The following FRA10AC1 variants were observed in gnomAD, a reference collection of about 807,000 sequenced individuals.
FRA10AC1 encodes FRA10A associated CGG repeat 1.
In FRA10AC1, 43 loss-of-function variants were observed where a neutral mutation model predicts 56.5. The observed-to-expected ratio is 0.76, with a 90% CI of 0.60 to 0.98. FRA10AC1 has a LOEUF of 0.98. Ranked by LOEUF, FRA10AC1 falls within the 50% of genes least tolerant of loss-of-function variation. FRA10AC1 has a pLI of 0.00. For synonymous variants in FRA10AC1, 112 were observed against 110.5 expected (o/e 1.01, Z -0.09); for missense variants, 346 against 351.8 (o/e 0.98, Z 0.13).
At chr10:93,674,916 T>C (rs1168644639) in intron 12 of FRA10AC1, 4 of 152,222 alleles carry the variant, frequency 2.6e-5, no homozygotes, top group Admixed American at 2.6e-4. Context: ...TTAGCCTGTG[T>C]ACACCTTTGT....
chr10:93,685,380 T>C (rs777565626), intron 8 of FRA10AC1, 21 bp from the exon 9 acceptor site: 1 of 1,040,370 alleles, frequency 9.6e-7, no homozygotes, highest in African/African-American at 1.6e-5. Context: ...GAAAGGAATA[T>C]TAGCTATGGT....
At chr10:93,688,828 T>C (rs1244803628) in intron 7 of FRA10AC1, among the ~76,000 whole-genome samples, 1 of 151,528 alleles carries the variant, frequency 6.6e-6, no homozygotes. Context: ...CAACAAAAAA[T>C]AACAACAAAT....
At chr10:93,701,816 T>C (rs993816390) in intron 1 of FRA10AC1, among the ~76,000 whole-genome samples, 32 of 152,182 alleles carry the variant, frequency 2.1e-4, no homozygotes, top group African/African-American at 6.7e-4. Context: ...TTTAGAGATA[T>C]ATTCTAGGAT....
intron 7 of FRA10AC1, among the ~76,000 whole-genome samples, chr10:93,690,690 T>A (rs144404523): frequency 6.6e-6 from 1 of 152,312 alleles, no homozygotes; most frequent in African/African-American, 2.4e-5. Context: ...CTTTGTTACA[T>A]GCTCCTAGAA....
intron 12 of FRA10AC1, chr10:93,675,730 G>T: frequency 3.3e-6 from 1 of 301,638 alleles, no homozygotes. Context: ...AAATAACTAA[G>T]TAAGCCTAGA....
chr10:93,672,941 A>C (rs2058787481), intron 12 of FRA10AC1: 1 of 164,368 alleles, frequency 6.1e-6, no homozygotes, highest in Non-Finnish European at 1.3e-5. Flanking sequence ...GGCAACACAA[A>C]AGAATGCATC....
rs371193065 is a variant in FRA10AC1, at chr10:93,698,191, C to G, written c.174-10G>C. ...ATTTCTTGCTTCTTCCCTGTTAAAA[C>G]AAATTTTTTTAAGAAAATTCAAAAT... On this transcript the variant is annotated splice_polypyrimidine_tract_variant and intron_variant, in intron 3 of 13. Coordinates refer to ENST00000359204, the MANE Select transcript of FRA10AC1 (RefSeq NM_145246.5). The G allele has an allele frequency of 8.9e-6, 14 of 1,571,634 alleles. No homozygotes were observed. In the African/African-American group the frequency reaches 1.9e-4, roughly 21 times the overall value.
Position 93,700,029 on chromosome 10 carries a change from C to A in FRA10AC1, c.77+1G>T. 6.6e-7 allele frequency: 1 copy of A among 1,525,318 alleles called. No homozygotes were observed. Among genetic ancestry groups the A allele is most frequent in the Non-Finnish European group, 9.0e-7 (1 of 1,106,342 alleles). The allele number at this position is 1,525,318 out of a possible 1,614,324, so 94.5% of individuals were successfully genotyped here. The stretch of plus-strand genomic sequence containing the variant: ...TAGATCAATAAAAAAAAATTACTTA[C>A]CTTTTTTTCCTTTTGCTGGATTCTC... On this transcript the variant is annotated splice_donor_variant, in intron 2 of 13. Coordinates refer to ENST00000359204, the MANE Select transcript of FRA10AC1 (RefSeq NM_145246.5). LOFTEE classifies it high-confidence loss of function.
chr10:93,672,972 AT>A (rs1159682148), intron 12 of FRA10AC1: 2 of 171,604 alleles, frequency 1.2e-5, no homozygotes, highest in African/African-American at 4.8e-5. Flanking sequence ...CTATTCAGTG[AT>A]TATTGGTAAG....
chr10:93,673,402 C>T (rs1447862055), intron 12 of FRA10AC1: 1 of 455,672 alleles, frequency 2.2e-6, no homozygotes, highest in African/African-American at 2.0e-5. Context: ...AAGTTTTCTC[C>T]ATACCTCAGT....
chr10:93,697,374 T>G (rs1451465185), intron 4 of FRA10AC1, among the ~76,000 whole-genome samples: 1 of 152,100 alleles, frequency 6.6e-6, no homozygotes, highest in African/African-American at 2.4e-5. Flanking sequence ...AAAAGAAAAA[T>G]ATTGGAATAG....
At chr10:93,686,192 T>G (rs2059024564) in intron 8 of FRA10AC1, among the ~76,000 whole-genome samples, 1 of 151,926 alleles carries the variant, frequency 6.6e-6, no homozygotes, top group Non-Finnish European at 1.5e-5. Context: ...AAAATGAATT[T>G]AGAAAATTAT....
At chr10:93,673,153 C>G (rs1589713147) in intron 12 of FRA10AC1, 5 of 329,092 alleles carry the variant, frequency 1.5e-5, no homozygotes, top group South Asian at 1.2e-4. Context: ...TTTCTCCATT[C>G]CTTTTGTCAG....
rs371405598 is a variant in FRA10AC1, at chr10:93,669,788, A to T, written c.*38T>A. Reference sequence around the variant, plus strand: ...TTGCATGAAGTTTAAAACTTCATGAAGTTTCACATTAAGGAGCGGAGGCTT... The same window carrying T: ...TTGCATGAAGTTTAAAACTTCATGATGTTTCACATTAAGGAGCGGAGGCTT... On this transcript the variant is annotated 3_prime_UTR_variant, in exon 14 of 14. Transcript: ENST00000359204. 2.2e-6 allele frequency: 3 copies of T among 1,382,210 alleles called. No homozygotes were observed. The African/African-American group carries it at 4.4e-5, about 20-fold the overall frequency. 85.6% of individuals were successfully genotyped at this position (1,382,210 alleles called of 1,614,324 possible). A position where few individuals can be genotyped will look rare whatever the true frequency, so the allele number is the denominator to read the frequency against.
rs768641121 is a variant in FRA10AC1, at chr10:93,685,264, T to A, written c.607A>T (p.Asn203Tyr). 12 of 1,527,186 alleles carry A rather than the reference T, an allele frequency of 7.9e-6. No individual in the cohort carries two copies. In the South Asian group the frequency reaches 1.4e-4, roughly 17 times the overall value. The allele number at this position is 1,527,186 out of a possible 1,614,324, so 94.6% of individuals were successfully genotyped here. ...FGYIEHGEKR[N>Y]ALVKLRLCQE... ...AACTTACTTAATTTAACAAGTGCAT[T>A]TCTCTTCTCACCATGCTCAATATAA... Residue 203 changes from asparagine (N) to tyrosine (Y), a missense_variant, in exon 9 of 14, where the codon AAT becomes TAT. Coordinates refer to ENST00000359204, the MANE Select transcript of FRA10AC1 (RefSeq NM_145246.5).
chr10:93,690,809 G>C (rs1444816956), intron 7 of FRA10AC1, among the ~76,000 whole-genome samples: 2 of 152,156 alleles, frequency 1.3e-5, no homozygotes, highest in East Asian at 3.8e-4. Context: ...GTGAACCAGA[G>C]TCCATAACTA....
At chr10:93,692,793 C>A (rs1401091100) in intron 5 of FRA10AC1, 64 bp from the exon 6 acceptor site, 1 of 1,025,780 alleles carries the variant, frequency 9.7e-7, no homozygotes, top group South Asian at 1.7e-5. Flanking sequence ...GGTTAAATAG[C>A]TCTGTGAGTT....
At chr10:93,692,870 T>A in intron 5 of FRA10AC1, 141 bp from the exon 6 acceptor site, 1 of 500,460 alleles carries the variant, frequency 2.0e-6, no homozygotes, top group Non-Finnish European at 3.4e-6. Context: ...TTTGTTCACA[T>A]ATTTATAAAA....
chr10:93,672,166 G>T, intron 12 of FRA10AC1: 1 of 387,162 alleles, frequency 2.6e-6, no homozygotes, highest in African/African-American at 2.1e-5. Context: ...AAATAAAACA[G>T]CATTGATTTG....
Sources: gnomAD v4.1 joint callset for allele counts (sites outside exome capture counted in the v4.1 genomes callset) on GRCh38, gnomAD v4.1.1 for gene constraint, MANE v1.5 for transcripts, NCBI Gene and HGNC (gene_info 2026-07-23, HGNC 2026-07-21) for gene names.